Variants in PRKCB observed in about 807,000 individuals in gnomAD.
PRKCB encodes the protein protein kinase C beta type.
Under a neutral mutation model 81.5 loss-of-function variants are expected in PRKCB, and 13 were observed. The observed-to-expected ratio is 0.16, with a 90% CI of 0.10 to 0.25. The LOEUF (loss-of-function observed/expected upper bound fraction) is 0.25. Among genes scored for constraint, PRKCB ranks in the 10% least tolerant of loss-of-function variants. The pLI, the probability that PRKCB is intolerant of heterozygous loss-of-function variation, is 1.00. For synonymous variants in PRKCB, 335 were observed against 321.4 expected (o/e 1.04, Z -0.45); for missense variants, 509 against 875.7 (o/e 0.58, Z 5.29).
At chr16:24,048,983 G>A (rs1437978378) in intron 5 of PRKCB, among the ~76,000 whole-genome samples, 2 of 144,704 alleles carry the variant, frequency 1.4e-5, no homozygotes, top group African/African-American at 5.1e-5. Context: ...TCCTTTGGGA[G>A]TATGAGAGTC....
chr16:23,855,304 C>G (rs1256550357), intron 2 of PRKCB, among the ~76,000 whole-genome samples: 1 of 152,068 alleles, frequency 6.6e-6, no homozygotes, highest in Non-Finnish European at 1.5e-5. Context: ...CAGTTCCTCC[C>G]CAATCACATG....
At position 24,215,954 on chromosome 16, in the gene PRKCB, T is replaced by C. The variant is rs1352265337; in HGVS notation, c.*1138T>C. The stretch of plus-strand genomic sequence containing the variant: ...TTCATTTGTATCTGGATCTCTGTTA[T>C]GTGCCATTTTTCTTCTAGCATCGAG... On this transcript the variant is annotated 3_prime_UTR_variant, in exon 17 of 17. Coordinates refer to ENST00000643927, the MANE Select transcript of PRKCB (RefSeq NM_002738.7). The C allele has an allele frequency of 1.0e-6, 1 of 984,252 alleles. No homozygotes were observed. Among genetic ancestry groups the C allele is most frequent in the Non-Finnish European group, 1.2e-6 (1 of 829,762 alleles). 61.0% of individuals were successfully genotyped at this position (984,252 alleles called of 1,614,324 possible).
intron 2 of PRKCB, among the ~76,000 whole-genome samples, chr16:23,931,767 T>C (rs1963981316): frequency 6.6e-6 from 1 of 152,162 alleles, no homozygotes; most frequent in African/African-American, 2.4e-5. Flanking sequence ...ATGAAGTTCC[T>C]ATAAAGACAG....
chr16:23,982,588 C>G (rs1338985122), intron 2 of PRKCB, among the ~76,000 whole-genome samples: 10 of 152,006 alleles, frequency 6.6e-5, no homozygotes, highest in Admixed American at 2.6e-4. Context: ...CACCACCAAG[C>G]CTGGCTAATT....
intron 2 of PRKCB, among the ~76,000 whole-genome samples, chr16:23,869,540 A>C (rs1023159030): frequency 3.3e-5 from 5 of 152,150 alleles, no homozygotes; most frequent in Non-Finnish European, 7.3e-5. Context: ...CTAATATTCC[A>C]TTCTAACTTA....
intron 12 of PRKCB, among the ~76,000 whole-genome samples, chr16:24,175,869 G>A (rs1967521469): frequency 6.6e-6 from 1 of 151,724 alleles, no homozygotes; most frequent in Admixed American, 6.6e-5. Context: ...CTACTCAGGA[G>A]GCTGAGGTGG....
At chr16:23,975,955 T>A (rs1221369051) in intron 2 of PRKCB, among the ~76,000 whole-genome samples, 1 of 152,152 alleles carries the variant, frequency 6.6e-6, no homozygotes, top group Non-Finnish European at 1.5e-5. Context: ...TGGATTTAGG[T>A]GCTCCAGCAT....
At chr16:24,181,009 T>A in intron 13 of PRKCB, 81 bp downstream of exon 13, 1 of 1,550,296 alleles carries the variant, frequency 6.5e-7, no homozygotes, top group African/African-American at 1.4e-5. Flanking sequence ...CTGGGAAGGG[T>A]TGAGGGTGGT....
At chr16:24,070,962 G>A (rs116780308) in intron 5 of PRKCB, among the ~76,000 whole-genome samples, 1,676 of 152,326 alleles carry the variant, frequency 0.011, 36 homozygotes, top group African/African-American at 0.039. Context: ...CTTCTGGGAA[G>A]AGGTGGCCTT....
At chr16:24,119,344 AC>A (rs1008951827) in intron 8 of PRKCB, among the ~76,000 whole-genome samples, 1 of 151,614 alleles carries the variant, frequency 6.6e-6, no homozygotes, top group Non-Finnish European at 1.5e-5. Flanking sequence ...CCCTCTTCCC[AC>A]CCCCCCAAAA....
chr16:23,838,402 G>A (rs1413737556), intron 2 of PRKCB, among the ~76,000 whole-genome samples: 1 of 152,212 alleles, frequency 6.6e-6, no homozygotes, highest in African/African-American at 2.4e-5. Context: ...TCTGGCCCCT[G>A]TGGGCATTTA....
At chr16:23,863,085 T>A (rs1334714847) in intron 2 of PRKCB, among the ~76,000 whole-genome samples, 1 of 148,142 alleles carries the variant, frequency 6.8e-6, no homozygotes, top group Non-Finnish European at 1.5e-5. Flanking sequence ...ATGATTTATA[T>A]ATATGATTAT....
chr16:23,883,708 T>G (rs1963157561), intron 2 of PRKCB, among the ~76,000 whole-genome samples: 1 of 152,082 alleles, frequency 6.6e-6, no homozygotes, highest in African/African-American at 2.4e-5. Flanking sequence ...AAGGACTTAC[T>G]GGTAAATGGG....
chr16:23,884,169 T>TTA (rs1963164917), intron 2 of PRKCB, among the ~76,000 whole-genome samples: 1 of 152,162 alleles, frequency 6.6e-6, no homozygotes, highest in Non-Finnish European at 1.5e-5. Flanking sequence ...AAAGAGAGTC[T>TTA]CAGAGAGTAT....
At chr16:23,899,916 G>A (rs925232828) in intron 2 of PRKCB, among the ~76,000 whole-genome samples, 1 of 151,960 alleles carries the variant, frequency 6.6e-6, no homozygotes, top group Non-Finnish European at 1.5e-5. Flanking sequence ...CGAACTCCTG[G>A]CCTCAAGTGA....
chr16:24,058,493 T>C (rs1381874021), intron 5 of PRKCB, among the ~76,000 whole-genome samples: 1 of 152,124 alleles, frequency 6.6e-6, no homozygotes, highest in Non-Finnish European at 1.5e-5. Context: ...AAAGTTACCA[T>C]GAAACGTAAC....
intron 2 of PRKCB, among the ~76,000 whole-genome samples, chr16:23,879,580 G>A (rs113954966): frequency 0.043 from 5,766 of 132,752 alleles, 367 homozygotes; most frequent in African/African-American, 0.15. Flanking sequence ...TGCAACCTCC[G>A]CCTCCCCAGT....
chr16:24,089,131 A>G (rs62027371), intron 5 of PRKCB, among the ~76,000 whole-genome samples: 237 of 152,330 alleles, frequency 1.6e-3, no homozygotes, highest in South Asian at 5.4e-3. Context: ...ATTATATTCT[A>G]TGGGGAAAAT....
chr16:23,962,923 A>T (rs928629658), intron 2 of PRKCB: 1 of 152,106 alleles, frequency 6.6e-6, no homozygotes, highest in Admixed American at 6.6e-5. Flanking sequence ...GGAGTCCTCA[A>T]AGTCCATTAT....
Sources: gnomAD v4.1 joint callset for allele counts (sites outside exome capture counted in the v4.1 genomes callset) on GRCh38, gnomAD v4.1.1 for gene constraint, MANE v1.5 for transcripts, NCBI Gene and HGNC (gene_info 2026-07-23, HGNC 2026-07-21) for gene names.